GPC6: variants seen among roughly 807,000 people sequenced by gnomAD.
GPC6 encodes glypican 6, also known as glypican-6.
GPC6 carries 14 observed loss-of-function variants against 55.2 expected under a neutral mutation model. The ratio of observed to expected loss-of-function variants is 0.25; its 90% CI spans 0.17 to 0.40. GPC6 has a LOEUF of 0.40. Ranked by LOEUF, GPC6 falls within the 10% of genes least tolerant of loss-of-function variation. The pLI is 1.00. For missense variants in GPC6, 641 were observed against 708.5 expected (o/e 0.90, Z 1.08); for synonymous variants, 278 against 259.6 (o/e 1.07, Z -0.68).
chr13:94,389,102 G>A (rs1226403127), intron 7 of GPC6, among the ~76,000 whole-genome samples: 1 of 152,136 alleles, frequency 6.6e-6, no homozygotes, highest in African/African-American at 2.4e-5. Flanking sequence ...GGGTAAATGT[G>A]AGAAGACACA....
chr13:94,084,588 A>T (rs1015794627), intron 4 of GPC6, among the ~76,000 whole-genome samples: 25 of 6,452 alleles, frequency 3.9e-3, no homozygotes, highest in African/African-American at 9.4e-3. Context: ...ATTTGTGATA[A>T]AAAAAAAACT....
intron 6 of GPC6, among the ~76,000 whole-genome samples, chr13:94,334,246 G>T (rs1877566576): frequency 6.6e-6 from 1 of 152,182 alleles, no homozygotes; most frequent in South Asian, 2.1e-4. Flanking sequence ...AAACACATGA[G>T]CATGGCTGTG....
chr13:94,240,517 C>T (rs1891024072), intron 4 of GPC6, among the ~76,000 whole-genome samples: 2 of 152,138 alleles, frequency 1.3e-5, no homozygotes, highest in African/African-American at 4.8e-5. Context: ...TGATTGAGTG[C>T]CTGCTTTTTG....
intron 3 of GPC6, among the ~76,000 whole-genome samples, chr13:93,897,898 C>T (rs1427167934): frequency 6.6e-6 from 1 of 152,120 alleles, no homozygotes; most frequent in Non-Finnish European, 1.5e-5. Flanking sequence ...ACTACACTTT[C>T]CCAATTCCCT....
At chr13:93,800,859 T>C (rs11617930) in intron 2 of GPC6, among the ~76,000 whole-genome samples, 50,117 of 152,074 alleles carry the variant, frequency 0.33, 8,677 homozygotes, top group African/African-American at 0.43. Context: ...CCCAATATTA[T>C]GGAACATTTC....
intron 3 of GPC6, among the ~76,000 whole-genome samples, chr13:93,855,761 A>C (rs1220292441): frequency 6.6e-6 from 1 of 151,620 alleles, no homozygotes; most frequent in African/African-American, 2.4e-5. Flanking sequence ...CATTTCCCTG[A>C]TGACATATGA....
chr13:94,380,979 G>A (rs1020515453), intron 6 of GPC6, among the ~76,000 whole-genome samples: 2 of 152,134 alleles, frequency 1.3e-5, no homozygotes, highest in Non-Finnish European at 2.9e-5. Context: ...ATGTCCTCAT[G>A]ATTAGATTCA....
At chr13:93,994,067 G>GA (rs1229218433) in intron 3 of GPC6, among the ~76,000 whole-genome samples, 2 of 152,134 alleles carry the variant, frequency 1.3e-5, no homozygotes, top group Non-Finnish European at 2.9e-5. Flanking sequence ...ACAAGTTATT[G>GA]AAAAACTGAA....
rs560036044 is a variant in GPC6, at chr13:94,272,629, C to T, written c.878-13720C>T. 8.2e-4 allele frequency among the ~76,000 whole-genome samples: 124 copies of T among 151,728 alleles called. 2 individuals are homozygous for T. Among genetic ancestry groups the T allele is most frequent in the South Asian group, 4.2e-4 (2 of 4,782 alleles). ...GACCACAGGCGCCCGCCACCACGCC[C>T]GGCTAATTTTTTGTATTTTTGGTAG... On this transcript the variant is annotated intron_variant, in intron 4 of 8. Transcript: ENST00000377047.
chr13:93,836,883 G>A (rs868748958), intron 3 of GPC6, among the ~76,000 whole-genome samples: 6 of 152,102 alleles, frequency 3.9e-5, no homozygotes, highest in African/African-American at 7.2e-5. Context: ...GTATAAGAAA[G>A]TCCAGGTGTC....
At chr13:93,479,093 G>T (rs1055400726) in intron 1 of GPC6, among the ~76,000 whole-genome samples, 10 of 152,144 alleles carry the variant, frequency 6.6e-5, no homozygotes, top group African/African-American at 2.4e-4. Flanking sequence ...CTTGCAACCA[G>T]AATAAAGCTA....
chr13:93,804,965 T>C (rs1297704196), intron 2 of GPC6, among the ~76,000 whole-genome samples: 1 of 152,210 alleles, frequency 6.6e-6, no homozygotes, highest in African/African-American at 2.4e-5. Flanking sequence ...GGCCACCATT[T>C]TGAAAAATTA....
At chr13:93,324,606 A>ATATATATATATG (rs1879584857) in intron 1 of GPC6, among the ~76,000 whole-genome samples, 1 of 92,090 alleles carries the variant, frequency 1.1e-5, no homozygotes, top group Non-Finnish European at 2.4e-5. Context: ...ATATATATAT[A>ATATATATATATG]TATATAAAAT....
intron 1 of GPC6, among the ~76,000 whole-genome samples, chr13:93,531,131 A>T (rs541535627): frequency 6.6e-6 from 1 of 152,252 alleles, no homozygotes; most frequent in South Asian, 2.1e-4. Context: ...GACCTACTGG[A>T]AGATGACAGA....
intron 1 of GPC6, among the ~76,000 whole-genome samples, chr13:93,274,584 T>C (rs1468962712): frequency 3.9e-5 from 6 of 152,182 alleles, no homozygotes; most frequent in African/African-American, 1.2e-4. Context: ...GTATCTTAAA[T>C]CAGATGTCAT....
At chr13:93,920,806 T>C (rs1877531314) in intron 3 of GPC6, among the ~76,000 whole-genome samples, 1 of 152,222 alleles carries the variant, frequency 6.6e-6, no homozygotes, top group African/African-American at 2.4e-5. Flanking sequence ...CCAATCTTCC[T>C]TACATGCCTA....
intron 1 of GPC6, among the ~76,000 whole-genome samples, chr13:93,246,991 C>A (rs1288029359): frequency 1.3e-5 from 2 of 150,068 alleles, no homozygotes; most frequent in South Asian, 2.1e-4. Flanking sequence ...GTAATTTGTT[C>A]TCTTTTTTCT....
intron 1 of GPC6, among the ~76,000 whole-genome samples, chr13:93,517,648 G>A (rs9524111): frequency 0.14 from 21,235 of 151,824 alleles, 1,639 homozygotes; most frequent in East Asian, 0.29. Context: ...TTTTTAGTCA[G>A]ATCTGCCCAG....
intron 2 of GPC6, among the ~76,000 whole-genome samples, chr13:93,568,715 C>G (rs1251644946): frequency 6.6e-6 from 1 of 152,100 alleles, no homozygotes; most frequent in East Asian, 1.9e-4. Context: ...CTTAAAGTAA[C>G]CTGAGGCTGT....
Sources: allele counts gnomAD v4.1 joint callset (sites outside exome capture counted in the v4.1 genomes callset), GRCh38; gene constraint gnomAD v4.1.1; transcripts MANE v1.5; gene names NCBI Gene and HGNC (gene_info 2026-07-23, HGNC 2026-07-21).